Variants in LRRC4C observed in about 807,000 individuals in gnomAD.
LRRC4C encodes leucine rich repeat containing 4C, also known as leucine-rich repeat-containing protein 4C.
In LRRC4C, 5 loss-of-function variants were observed where a neutral mutation model predicts 33.6. The ratio of observed to expected loss-of-function variants is 0.15; its 90% CI spans 0.08 to 0.31. The LOEUF is 0.31. Among genes scored for constraint, LRRC4C ranks in the 10% least tolerant of loss-of-function variants. The pLI is 1.00. For missense variants in LRRC4C, 560 were observed against 796.7 expected (o/e 0.70, Z 3.58); for synonymous variants, 329 against 302.0 (o/e 1.09, Z -0.93).
At chr11:40,616,865 C>G (rs1240029847) in intron 3 of LRRC4C, among the ~76,000 whole-genome samples, 1 of 148,244 alleles carries the variant, frequency 6.7e-6, no homozygotes, top group Non-Finnish European at 1.5e-5. Flanking sequence ...ACATATGTAA[C>G]AAACCTGCAC....
At chr11:40,393,118 G>C (rs1455723822) in intron 3 of LRRC4C, among the ~76,000 whole-genome samples, 1 of 152,078 alleles carries the variant, frequency 6.6e-6, no homozygotes, top group Non-Finnish European at 1.5e-5. Context: ...ATATTGTAAA[G>C]ACAACGTGTA....
intron 4 of LRRC4C, among the ~76,000 whole-genome samples, chr11:40,266,229 G>A (rs1055091379): frequency 2.6e-5 from 4 of 152,168 alleles, no homozygotes; most frequent in African/African-American, 9.7e-5. Flanking sequence ...AAGCCTGGGA[G>A]ATGAAGGCTG....
chr11:40,929,550 T>C (rs1957527845), intron 2 of LRRC4C, among the ~76,000 whole-genome samples: 1 of 152,186 alleles, frequency 6.6e-6, no homozygotes, highest in Admixed American at 6.5e-5. Context: ...CCGTCCATAG[T>C]AAAAAGGGAG....
At chr11:41,034,834 G>T (rs1856964985) in intron 1 of LRRC4C, among the ~76,000 whole-genome samples, 1 of 149,974 alleles carries the variant, frequency 6.7e-6, no homozygotes, top group African/African-American at 2.4e-5. Context: ...TACATTGCCT[G>T]AGAACAAGTA....
intron 1 of LRRC4C, among the ~76,000 whole-genome samples, chr11:41,419,207 A>G (rs1954791188): frequency 6.6e-6 from 1 of 151,888 alleles, no homozygotes; most frequent in Non-Finnish European, 1.5e-5. Context: ...TCAAAATGTT[A>G]CCTTCTAAGG....
chr11:40,657,796 C>T (rs536144843), intron 2 of LRRC4C, among the ~76,000 whole-genome samples: 1 of 152,308 alleles, frequency 6.6e-6, no homozygotes, highest in Admixed American at 6.5e-5. Context: ...GGTGAGGGTC[C>T]TCAACCTTGG....
intron 3 of LRRC4C, among the ~76,000 whole-genome samples, chr11:40,616,788 A>C (rs1416078982): frequency 1.3e-5 from 2 of 151,858 alleles, no homozygotes; most frequent in East Asian, 3.9e-4. Flanking sequence ...CAGTGATAGC[A>C]TTAGGAGATA....
chr11:40,539,191 C>G (rs538475520), intron 3 of LRRC4C, among the ~76,000 whole-genome samples: 1 of 152,308 alleles, frequency 6.6e-6, no homozygotes, highest in South Asian at 2.1e-4. Context: ...TATCAGGACT[C>G]ACAGATGCTT....
At chr11:40,257,278 G>A (rs559100191) in intron 4 of LRRC4C, among the ~76,000 whole-genome samples, 13 of 152,050 alleles carry the variant, frequency 8.5e-5, no homozygotes, top group African/African-American at 3.1e-4. Context: ...AACAAAATAC[G>A]AAAGTATTTT....
chr11:40,699,323 G>A (rs946280592), intron 2 of LRRC4C, among the ~76,000 whole-genome samples: 4 of 152,130 alleles, frequency 2.6e-5, no homozygotes, highest in Admixed American at 2.6e-4. Flanking sequence ...ACGCCAAATG[G>A]CTAAACAGAG....
intron 5 of LRRC4C, among the ~76,000 whole-genome samples, chr11:40,166,865 T>C (rs986896282): frequency 1.1e-4 from 17 of 152,184 alleles, no homozygotes; most frequent in Non-Finnish European, 1.9e-4. Context: ...TATATGTTTA[T>C]ATGGGTAGAG....
intron 1 of LRRC4C, among the ~76,000 whole-genome samples, chr11:40,944,840 T>A (rs760390985): frequency 1.0e-3 from 156 of 152,278 alleles, no homozygotes; most frequent in Middle Eastern, 0.01. Context: ...ATTTGACATT[T>A]GGCTAATGCT....
At chr11:40,517,298 T>C (rs7930795) in intron 3 of LRRC4C, among the ~76,000 whole-genome samples, 9,840 of 152,176 alleles carry the variant, frequency 0.065, 836 homozygotes, top group African/African-American at 0.2. Context: ...AAAAAGAGGT[T>C]CAATCGATGA....
At chr11:41,107,520 A>G (rs1196202107) in intron 1 of LRRC4C, among the ~76,000 whole-genome samples, 2 of 152,186 alleles carry the variant, frequency 1.3e-5, no homozygotes, top group Non-Finnish European at 2.9e-5. Context: ...GAATAAAAAT[A>G]AAAATGAAGC....
intron 3 of LRRC4C, among the ~76,000 whole-genome samples, chr11:40,445,131 T>G (rs1274334769): frequency 6.6e-6 from 1 of 152,092 alleles, no homozygotes; most frequent in Non-Finnish European, 1.5e-5. Flanking sequence ...CTGACCATAT[T>G]CCCTATAAAA....
At position 40,487,097 on chromosome 11, in the gene LRRC4C, C is replaced by T. The variant is rs538059876; in HGVS notation, c.-270+161045G>A. The stretch of plus-strand genomic sequence containing the variant: ...TATTTTCTGTGTGTGAGTTGGACTA[C>T]GAACTTGATGGCTGAAGCTTTAGCT... On this transcript the variant is annotated intron_variant, in intron 3 of 6. Transcript: ENST00000528697. Among the ~76,000 whole-genome samples, 36 of 152,100 alleles carry T rather than the reference C, an allele frequency of 2.4e-4. No homozygotes were observed. In the South Asian group the frequency reaches 4.6e-3, roughly 19 times the overall value.
chr11:40,839,072 T>C (rs1055707938), intron 2 of LRRC4C, among the ~76,000 whole-genome samples: 10 of 152,160 alleles, frequency 6.6e-5, no homozygotes, highest in Non-Finnish European at 1.2e-4. Flanking sequence ...GTAATATGTT[T>C]TTCAGCATTT....
At chr11:41,007,098 C>T (rs973733422) in intron 1 of LRRC4C, among the ~76,000 whole-genome samples, 1 of 151,984 alleles carries the variant, frequency 6.6e-6, no homozygotes, top group Non-Finnish European at 1.5e-5. Flanking sequence ...TAGTCACAAA[C>T]TTACATTTAA....
chr11:41,213,593 C>T (rs1045282979), intron 1 of LRRC4C, among the ~76,000 whole-genome samples: 6 of 152,144 alleles, frequency 3.9e-5, no homozygotes, highest in Admixed American at 1.3e-4. Flanking sequence ...GATCACATTA[C>T]GTTTTTTGAG....
Sources: gnomAD v4.1 joint callset for allele counts (sites outside exome capture counted in the v4.1 genomes callset) on GRCh38, gnomAD v4.1.1 for gene constraint, MANE v1.5 for transcripts, NCBI Gene and HGNC (gene_info 2026-07-23, HGNC 2026-07-21) for gene names.